The following ZNF804B variants were observed in gnomAD, a reference collection of about 807,000 sequenced individuals.
The protein encoded by ZNF804B is zinc finger 804B.
A neutral mutation model predicts 101.4 loss-of-function variants in ZNF804B; 80 were observed. That is an observed-to-expected ratio of 0.79 (90% CI 0.66 to 0.95). The LOEUF (loss-of-function observed/expected upper bound fraction) is 0.95. Ranked by LOEUF, ZNF804B falls within the 40% of genes least tolerant of loss-of-function variation. The probability of loss-of-function intolerance (pLI) is 0.00; values close to 1 mark genes in which losing one functional copy is unlikely to be tolerated. For missense variants in ZNF804B, 1,673 were observed against 1,561.9 expected (o/e 1.07, Z -1.20); for synonymous variants, 622 against 558.8 (o/e 1.11, Z -1.59).
rs1009965387 is a variant in ZNF804B at position 89,108,702 on chromosome 7, T to C, written c.109-109453T>C. On this transcript the variant is annotated intron_variant, in intron 1 of 3. Transcript: ENST00000333190. ...GTGACCTTTTAGAGAAACATTTCTGTAGAAGGCCTGGCAGGAGACAAATTG... is the reference window on the plus strand; with the variant it reads ...GTGACCTTTTAGAGAAACATTTCTGCAGAAGGCCTGGCAGGAGACAAATTG... Among the ~76,000 whole-genome samples, 12 of 152,184 alleles carry C rather than the reference T, an allele frequency of 7.9e-5. No homozygotes were observed. In the South Asian group the frequency reaches 8.3e-4, roughly 10 times the overall value.
Position 88,886,432 on chromosome 7 carries a change from A to G in ZNF804B, c.108+126348A>G, listed in dbSNP as rs577727252. Among the ~76,000 whole-genome samples the G allele has an allele frequency of 5.3e-5, 8 of 152,218 alleles. No individual in the cohort carries two copies. In the East Asian group the frequency reaches 1.5e-3, roughly 29 times the overall value. On this transcript the variant is annotated intron_variant, in intron 1 of 3. Transcript: ENST00000333190. ...GAGTTTACCTATGTAACGAACCTTC[A>G]CCTGTTGTTTAAAAACATATTTTTG...
intron 1 of ZNF804B, among the ~76,000 whole-genome samples, chr7:89,051,046 A>T (rs1013537724): frequency 2.0e-5 from 3 of 152,022 alleles, no homozygotes; most frequent in African/African-American, 7.2e-5. Context: ...GATCCTACTC[A>T]TTCTTAATGG....
intron 2 of ZNF804B, among the ~76,000 whole-genome samples, chr7:89,256,640 A>C (rs994510771): frequency 4.6e-5 from 7 of 152,344 alleles, no homozygotes; most frequent in Admixed American, 1.3e-4. Flanking sequence ...AAGCTTAAAA[A>C]CATAATACTC....
At chr7:89,306,845 C>T (rs1790568923) in intron 2 of ZNF804B, among the ~76,000 whole-genome samples, 1 of 151,938 alleles carries the variant, frequency 6.6e-6, no homozygotes, top group South Asian at 2.1e-4. Flanking sequence ...AGACATTTTG[C>T]CCCCAAACTT....
chr7:88,962,424 T>A (rs1793398720), intron 1 of ZNF804B, among the ~76,000 whole-genome samples: 1 of 150,992 alleles, frequency 6.6e-6, no homozygotes, highest in African/African-American at 2.4e-5. Flanking sequence ...GTGTTCTGAT[T>A]TAAACTTGCT....
At chr7:89,255,124 G>A (rs574676908) in intron 2 of ZNF804B, among the ~76,000 whole-genome samples, 1 of 152,288 alleles carries the variant, frequency 6.6e-6, no homozygotes, top group South Asian at 2.1e-4. Context: ...TACAGTCATG[G>A]AGGAAGGAAG....
At chr7:89,096,112 G>A (rs960631010) in intron 1 of ZNF804B, among the ~76,000 whole-genome samples, 3 of 149,658 alleles carry the variant, frequency 2.0e-5, no homozygotes, top group Non-Finnish European at 3.0e-5. Flanking sequence ...TGGAGATCAC[G>A]CCACTGCACT....
intron 1 of ZNF804B, among the ~76,000 whole-genome samples, chr7:88,897,360 A>G (rs538172801): frequency 6.6e-6 from 1 of 152,292 alleles, no homozygotes; most frequent in South Asian, 2.1e-4. Flanking sequence ...CTTAAAGACC[A>G]TGGAAGGGGC....
intron 1 of ZNF804B, among the ~76,000 whole-genome samples, chr7:89,197,279 A>G (rs1464149288): frequency 6.6e-6 from 1 of 151,968 alleles, no homozygotes; most frequent in East Asian, 1.9e-4. Context: ...ACAAAACGGA[A>G]CAGAACAAAA....
chr7:88,924,829 T>C (rs9886345), intron 1 of ZNF804B, among the ~76,000 whole-genome samples: 42,163 of 152,120 alleles, frequency 0.28, 7,821 homozygotes, highest in African/African-American at 0.51. Flanking sequence ...CTATTTTGTT[T>C]ACTTTGTGCC....
rs538863490 is a variant in ZNF804B, at chr7:89,002,873, A to C, written c.109-215282A>C. 1.6e-4 allele frequency among the ~76,000 whole-genome samples: 24 copies of C among 152,116 alleles called. No homozygotes were observed. In the South Asian group the frequency reaches 4.4e-3, roughly 28 times the overall value. On this transcript the variant is annotated intron_variant, in intron 1 of 3. Transcript: ENST00000333190. ...CTCTTAAAAATCAACTGTTCAAACT[A>C]CTTTCTATGTAAGTACAATTTGAGT... is the stretch of plus-strand genomic sequence containing the variant.
At chr7:89,222,404 C>A (rs1302481273) in intron 2 of ZNF804B, among the ~76,000 whole-genome samples, 4 of 151,930 alleles carry the variant, frequency 2.6e-5, no homozygotes, top group East Asian at 1.9e-4. Flanking sequence ...CTGTTCCACA[C>A]CAATCCATCC....
chr7:88,944,204 GC>G, intron 1 of ZNF804B, among the ~76,000 whole-genome samples: 2 of 151,760 alleles, frequency 1.3e-5, no homozygotes, highest in East Asian at 3.9e-4. Context: ...ATATCATGTT[GC>G]ACTCCCACCA....
intron 1 of ZNF804B, among the ~76,000 whole-genome samples, chr7:89,064,384 A>C (rs1789421443): frequency 6.6e-6 from 1 of 152,120 alleles, no homozygotes; most frequent in Non-Finnish European, 1.5e-5. Flanking sequence ...GCTCGGTATA[A>C]CCCGTGTCTA....
At chr7:88,935,492 T>C (rs561447898) in intron 1 of ZNF804B, among the ~76,000 whole-genome samples, 83 of 151,896 alleles carry the variant, frequency 5.5e-4, no homozygotes, top group African/African-American at 1.8e-3. Context: ...GAGACCAGCA[T>C]GGGCAACATG....
At chr7:89,234,737 C>G (rs11976710) in intron 2 of ZNF804B, among the ~76,000 whole-genome samples, 2,630 of 152,252 alleles carry the variant, frequency 0.017, 91 homozygotes, top group African/African-American at 0.06. Context: ...ACATCAGACT[C>G]CAGGTTCTTT....
intron 1 of ZNF804B, among the ~76,000 whole-genome samples, chr7:89,177,725 T>C (rs1252485773): frequency 1.3e-5 from 2 of 152,148 alleles, no homozygotes; most frequent in Non-Finnish European, 2.9e-5. Context: ...CAGCTATTAT[T>C]GTGTTGAGGT....
intron 2 of ZNF804B, among the ~76,000 whole-genome samples, chr7:89,316,162 G>T (rs1790723541): frequency 6.6e-6 from 1 of 152,060 alleles, no homozygotes; most frequent in Non-Finnish European, 1.5e-5. Context: ...AGGTGGTTCT[G>T]GATAGGGGTT....
intron 1 of ZNF804B, among the ~76,000 whole-genome samples, chr7:88,869,269 G>C (rs1791780396): frequency 6.6e-6 from 1 of 152,040 alleles, no homozygotes; most frequent in African/African-American, 2.4e-5. Context: ...ATTTATTTTT[G>C]GTTCCCTGTC....
Sources: gnomAD v4.1 joint callset for allele counts (sites outside exome capture counted in the v4.1 genomes callset) on GRCh38, gnomAD v4.1.1 for gene constraint, MANE v1.5 for transcripts, NCBI Gene and HGNC (gene_info 2026-07-23, HGNC 2026-07-21) for gene names.